The following SGK1 variants were observed in gnomAD, a reference collection of about 807,000 sequenced individuals.
The protein encoded by SGK1 is serum/glucocorticoid regulated kinase 1.
A neutral mutation model predicts 64.2 loss-of-function variants in SGK1; 26 were observed. That is an observed-to-expected ratio of 0.40 (90% CI 0.30 to 0.56). The LOEUF (loss-of-function observed/expected upper bound fraction) is 0.56. Among genes scored for constraint, SGK1 ranks in the 20% least tolerant of loss-of-function variants. SGK1 has a pLI of 0.38. For missense variants in SGK1, 519 were observed against 645.6 expected, an observed-to-expected ratio of 0.80 and a Z score of 2.12; for synonymous variants, 265 against 239.7, an observed-to-expected ratio of 1.11 and a Z score of -0.98.
chr6:134,221,501 C>T (rs1776090208), intron 2 of SGK1, among the ~76,000 whole-genome samples: 1 of 152,080 alleles, frequency 6.6e-6, no homozygotes. Context: ...TGAAGGCTTG[C>T]TTGTCATTTT....
chr6:134,294,760 A>T (rs1223309516), intron 1 of SGK1, among the ~76,000 whole-genome samples: 2 of 152,094 alleles, frequency 1.3e-5, no homozygotes, highest in East Asian at 1.9e-4. Flanking sequence ...CTGGTCTCGA[A>T]CTCCTGATCC....
intron 2 of SGK1, among the ~76,000 whole-genome samples, chr6:134,214,106 A>AGACG: frequency 6.6e-6 from 1 of 151,182 alleles, no homozygotes; most frequent in Non-Finnish European, 1.5e-5. Flanking sequence ...TTTTTTGTAG[A>AGACG]GACGGGGTCT....
intron 1 of SGK1, among the ~76,000 whole-genome samples, chr6:134,316,129 T>C (rs949619423): frequency 6.6e-6 from 1 of 152,122 alleles, no homozygotes; most frequent in Non-Finnish European, 1.5e-5. Context: ...TGGAGAAAGA[T>C]TTTGCTTTAC....
intron 1 of SGK1, chr6:134,297,879 T>C: frequency 1.3e-6 from 1 of 798,694 alleles, no homozygotes; most frequent in Non-Finnish European, 2.2e-6. Flanking sequence ...TTTGATCTGG[T>C]ACATGCTCTC....
At chr6:134,260,216 G>T (rs561728867) in intron 2 of SGK1, 2 of 152,000 alleles carry the variant, frequency 1.3e-5, no homozygotes, top group East Asian at 3.9e-4. Context: ...AGGTTTGTTG[G>T]CGTATGCCTG....
chr6:134,287,583 GTT>G (rs1216333047), intron 1 of SGK1, among the ~76,000 whole-genome samples: 1 of 150,282 alleles, frequency 6.7e-6, no homozygotes, highest in African/African-American at 2.4e-5. Context: ...CTGTGATTTG[GTT>G]TTTTATATTT....
At chr6:134,313,725 T>C (rs1001429085) in intron 1 of SGK1, among the ~76,000 whole-genome samples, 13 of 152,156 alleles carry the variant, frequency 8.5e-5, no homozygotes, top group African/African-American at 3.1e-4. Flanking sequence ...CAGCGTTAGA[T>C]AGCCTTTCGA....
chr6:134,170,816 A>G lies in SGK1; in HGVS notation c.1413+10T>C. 1 of 1,539,212 alleles carries G rather than the reference A, an allele frequency of 6.5e-7. No individual in the cohort carries two copies. Among genetic ancestry groups the G allele is most frequent in the Admixed American group, 1.7e-5 (1 of 59,690 alleles). ...GCTTCTCTATACTTAGAAGAGAGACAGATACTCACCACATTTGGGTTAAAA... is the reference window on the plus strand; with the variant it reads ...GCTTCTCTATACTTAGAAGAGAGACGGATACTCACCACATTTGGGTTAAAA... On this transcript the variant is annotated intron_variant, in intron 13 of 13. Coordinates refer to ENST00000367858, the MANE Select transcript of SGK1 (RefSeq NM_001143676.3).
At chr6:134,244,715 T>C (rs1360126730) in intron 2 of SGK1, among the ~76,000 whole-genome samples, 1 of 152,248 alleles carries the variant, frequency 6.6e-6, no homozygotes, top group Non-Finnish European at 1.5e-5. Context: ...ACTCGCCTTC[T>C]GCATTGGTCT....
At chr6:134,275,909 T>C (rs763255502) in intron 1 of SGK1, among the ~76,000 whole-genome samples, 2 of 152,192 alleles carry the variant, frequency 1.3e-5, no homozygotes, top group Non-Finnish European at 2.9e-5. Flanking sequence ...TTTCATCCAT[T>C]TGGGTATTCA....
At chr6:134,294,211 G>A (rs965515456) in intron 1 of SGK1, among the ~76,000 whole-genome samples, 3 of 152,020 alleles carry the variant, frequency 2.0e-5, no homozygotes, top group African/African-American at 7.3e-5. Context: ...ATACTGTGCT[G>A]TATTTTTTTT....
intron 2 of SGK1, among the ~76,000 whole-genome samples, chr6:134,235,539 ATTTT>A (rs67467396): frequency 0.017 from 2,233 of 131,816 alleles, 41 homozygotes; most frequent in African/African-American, 0.058. Context: ...AAAAATAGAT[ATTTT>A]TATTTATTTA....
At chr6:134,286,484 T>G (rs1422648128) in intron 1 of SGK1, among the ~76,000 whole-genome samples, 2 of 150,630 alleles carry the variant, frequency 1.3e-5, no homozygotes, top group African/African-American at 4.9e-5. Context: ...CAATATTTTT[T>G]TTTTTTTTTT....
intron 1 of SGK1, among the ~76,000 whole-genome samples, chr6:134,314,353 G>T (rs9493898): frequency 1.3e-5 from 2 of 151,354 alleles, no homozygotes; most frequent in South Asian, 2.1e-4. Flanking sequence ...GTTGGGGGAG[G>T]GGGGTAGGGG....
chr6:134,220,211 A>T (rs1056444874), intron 2 of SGK1, among the ~76,000 whole-genome samples: 3 of 152,100 alleles, frequency 2.0e-5, no homozygotes, highest in Non-Finnish European at 4.4e-5. Flanking sequence ...TATTGACCAC[A>T]TCATTGATTT....
At chr6:134,207,803 T>C (rs1015161367) in intron 2 of SGK1, among the ~76,000 whole-genome samples, 10 of 152,246 alleles carry the variant, frequency 6.6e-5, no homozygotes, top group Admixed American at 5.2e-4. Context: ...AGACACTCAA[T>C]ACATAAAAAG....
intron 2 of SGK1, among the ~76,000 whole-genome samples, chr6:134,232,474 A>AGAAAGG (rs1776304271): frequency 9.5e-5 from 1 of 10,494 alleles, no homozygotes; most frequent in Non-Finnish European, 3.6e-4. Flanking sequence ...AAAGAAAGAA[A>AGAAAGG]GAAAGAAAGA....
chr6:134,243,123 T>C (rs961001963), intron 2 of SGK1, among the ~76,000 whole-genome samples: 1 of 152,190 alleles, frequency 6.6e-6, no homozygotes, highest in East Asian at 1.9e-4. Context: ...GTCAATACTT[T>C]TACCTATTTA....
chr6:134,242,353 G>T (rs1776462484), intron 2 of SGK1, among the ~76,000 whole-genome samples: 1 of 152,120 alleles, frequency 6.6e-6, no homozygotes, highest in Non-Finnish European at 1.5e-5. Context: ...AAGTGTGGTG[G>T]CACGTGCCTG....
Sources: gnomAD v4.1 joint callset for allele counts (sites outside exome capture counted in the v4.1 genomes callset) on GRCh38, gnomAD v4.1.1 for gene constraint, MANE v1.5 for transcripts, NCBI Gene and HGNC (gene_info 2026-07-23, HGNC 2026-07-21) for gene names.